The following RAD51B variants were observed in gnomAD, a reference collection of about 807,000 sequenced individuals.
RAD51B encodes the protein DNA repair protein RAD51 homolog 2.
In RAD51B, 38 loss-of-function variants were observed where a neutral mutation model predicts 42.2. The ratio of observed to expected loss-of-function variants is 0.90; its 90% confidence interval spans 0.70 to 1.18. The LOEUF (loss-of-function observed/expected upper bound fraction) is 1.18, where lower values mean the gene tolerates loss of function less well. Ranked by LOEUF, RAD51B falls within the 50% of genes most tolerant of loss-of-function variation. The pLI, the probability that RAD51B is intolerant of heterozygous loss-of-function variation, is 0.00. For missense variants in RAD51B, 373 were observed against 400.7 expected (o/e 0.93, Z 0.59); for synonymous variants, 154 against 145.2 (o/e 1.06, Z -0.43).
At chr14:68,601,671 T>C (rs1272450507) in intron 10 of RAD51B, among the ~76,000 whole-genome samples, 1 of 152,040 alleles carries the variant, frequency 6.6e-6, no homozygotes, top group African/African-American at 2.4e-5. Flanking sequence ...TCATGTAGTA[T>C]TCTTCTGTTC....
chr14:68,579,300 A>T (rs1348345732), intron 10 of RAD51B, among the ~76,000 whole-genome samples: 1 of 152,104 alleles, frequency 6.6e-6, no homozygotes, highest in African/African-American at 2.4e-5. Flanking sequence ...GATCCAGAGG[A>T]GGGACTTCTT....
chr14:68,347,385 C>CT (rs2082696379), intron 8 of RAD51B, among the ~76,000 whole-genome samples: 2 of 152,224 alleles, frequency 1.3e-5, no homozygotes, highest in Admixed American at 6.5e-5. Flanking sequence ...AAAGATTTGA[C>CT]TTTAAGAAGT....
chr14:67,976,441 T>C (rs1034943029), intron 7 of RAD51B, among the ~76,000 whole-genome samples: 2 of 151,346 alleles, frequency 1.3e-5, no homozygotes, highest in African/African-American at 4.8e-5. Context: ...TTGTTTTTTG[T>C]TTTTTAATTT....
intron 7 of RAD51B, chr14:67,908,813 AT>A (rs1180395948): frequency 2.0e-5 from 3 of 152,214 alleles, no homozygotes; most frequent in African/African-American, 7.2e-5. Context: ...GGATCCTGCC[AT>A]CAAAGAGCAC....
rs1376595353 is a variant in RAD51B at position 68,485,538 on chromosome 14, A to C, written c.1036+17288A>C. ...AGTCTTTGGAGTTACTTCCTTTTCA[A>C]AAAAAAACAGACATCAGCAGAAGCA... On this transcript the variant is annotated intron_variant, in intron 10 of 10. Transcript: ENST00000487270. Among the ~76,000 whole-genome samples, 6 of 151,978 alleles carry C rather than the reference A, an allele frequency of 3.9e-5. No individual in the cohort carries two copies. The East Asian group carries it at 1.2e-3, about 29-fold the overall frequency.
rs115080286 is a variant in RAD51B at position 68,338,078 on chromosome 14, C to T, written c.853+46098C>T. ...AAGTGCTGGGATTATAGTCATGAGC[C>T]ACCGTGCCAGGCCCAAAAATCTTTT... On this transcript the variant is annotated intron_variant, in intron 8 of 10. Transcript: ENST00000471583. Among the ~76,000 whole-genome samples the T allele has an allele frequency of 2.6e-3, 390 of 152,230 alleles. 2 individuals carry two copies. Among genetic ancestry groups the T allele is most frequent in the African/African-American group, 9.1e-3 (377 of 41,528 alleles).
chr14:68,443,148 G>A (rs1020020532), intron 9 of RAD51B, among the ~76,000 whole-genome samples: 2 of 152,170 alleles, frequency 1.3e-5, no homozygotes, highest in African/African-American at 4.8e-5. Context: ...AAATCCCAGG[G>A]CTGGAAACAT....
In RAD51B at chr14:68,291,895, G is replaced by T. The variant is rs1021660617; in HGVS notation, c.768G>T (p.Thr256=). Residue 256 remains threonine (T), a synonymous_variant, in exon 8 of 11, where the codon ACG becomes ACT. Transcript: ENST00000471583. ...AEEFSIPVIL[T]NQITTHLSGA... ...CTGTCTGTTCACAGGTTATCTTGAC[G>T]AATCAGATTACAACCCATCTGAGTG... The T allele has an allele frequency of 6.2e-7, 1 of 1,612,884 alleles. No individual in the cohort carries two copies.
At chr14:68,071,360 G>C (rs996298910) in intron 7 of RAD51B, among the ~76,000 whole-genome samples, 2 of 152,126 alleles carry the variant, frequency 1.3e-5, no homozygotes, top group Admixed American at 6.6e-5. Context: ...CAGGGGGAAT[G>C]CTTCTAGTTT....
chr14:68,668,588 T>C (rs1428574389), intron 11 of RAD51B, among the ~76,000 whole-genome samples: 1 of 152,232 alleles, frequency 6.6e-6, no homozygotes, highest in Non-Finnish European at 1.5e-5. Context: ...TCAGGTGGCA[T>C]AACCATTGAG....
At chr14:68,369,774 C>T (rs1013645527) in intron 8 of RAD51B, among the ~76,000 whole-genome samples, 2 of 152,192 alleles carry the variant, frequency 1.3e-5, no homozygotes, top group African/African-American at 4.8e-5. Flanking sequence ...GAGACCATGG[C>T]CTAGTCATTT....
chr14:68,164,534 C>G (rs903038453), intron 7 of RAD51B, among the ~76,000 whole-genome samples: 2 of 152,194 alleles, frequency 1.3e-5, no homozygotes, highest in Non-Finnish European at 2.9e-5. Context: ...TTGCAAAGCT[C>G]CGCGGGCTTT....
At chr14:68,110,817 G>C (rs2077448695) in intron 7 of RAD51B, among the ~76,000 whole-genome samples, 1 of 151,892 alleles carries the variant, frequency 6.6e-6, no homozygotes, top group East Asian at 1.9e-4. Context: ...GCGATACTGT[G>C]GCTCTCTTCC....
rs902696147 is a variant in RAD51B at position 68,072,156 on chromosome 14, A to T, written c.756+184952A>T. On this transcript the variant is annotated intron_variant, in intron 7 of 10. Coordinates refer to ENST00000471583, the MANE Select transcript of RAD51B (RefSeq NM_133510.4). ...ATAATTATATATATATTTTATATAT[A>T]TTTTTTTCTAGGTTTTATATATATA... is the stretch of plus-strand genomic sequence containing the variant. 7.7e-4 allele frequency among the ~76,000 whole-genome samples: 100 copies of T among 129,974 alleles called. 1 individual carries two copies. Among genetic ancestry groups the T allele is most frequent in the African/African-American group, 2.8e-3 (89 of 31,750 alleles). The allele number at this position is 129,974 out of a possible 152,430, so 85.3% of individuals were successfully genotyped here. A position where few individuals can be genotyped will look rare whatever the true frequency, so the allele number is the denominator to read the frequency against.
chr14:68,613,876 G>C (rs2140110551), downstream of RAD51B, among the ~76,000 whole-genome samples: 1 of 152,286 alleles, frequency 6.6e-6, no homozygotes, highest in East Asian at 1.9e-4. Flanking sequence ...CTCGATTTTT[G>C]GAGTCAGAGA....
At chr14:68,188,942 C>G (rs990644407) in intron 7 of RAD51B, among the ~76,000 whole-genome samples, 1 of 151,852 alleles carries the variant, frequency 6.6e-6, no homozygotes, top group Non-Finnish European at 1.5e-5. Flanking sequence ...TGGTGAAACT[C>G]GTATGTTTAT....
intron 7 of RAD51B, among the ~76,000 whole-genome samples, chr14:68,206,346 A>G (rs2079584520): frequency 6.6e-6 from 1 of 152,168 alleles, no homozygotes; most frequent in South Asian, 2.1e-4. Context: ...GCACTGAGTA[A>G]TCAGTGGGAA....
At chr14:68,610,162 G>A (rs1185867520) in intron 10 of RAD51B, among the ~76,000 whole-genome samples, 1 of 152,050 alleles carries the variant, frequency 6.6e-6, no homozygotes, top group Non-Finnish European at 1.5e-5. Context: ...ACCTCTCCTT[G>A]AGGCTGTTTG....
chr14:68,350,016 AATCAAATAC>A (rs1184402507), intron 8 of RAD51B, among the ~76,000 whole-genome samples: 1 of 152,208 alleles, frequency 6.6e-6, no homozygotes, highest in Non-Finnish European at 1.5e-5. Flanking sequence ...GTGTCTTTGA[AATCAAATAC>A]CCTGCCATTG....
Sources: gnomAD v4.1 joint callset for allele counts (sites outside exome capture counted in the v4.1 genomes callset) on GRCh38, gnomAD v4.1.1 for gene constraint, MANE v1.5 for transcripts, NCBI Gene and HGNC (gene_info 2026-07-23, HGNC 2026-07-21) for gene names.